TPSD1: variants seen among roughly 807,000 people sequenced by gnomAD.
TPSD1 encodes tryptase delta.
TPSD1 carries 30 observed loss-of-function variants against 25.4 expected under a neutral mutation model. The ratio of observed to expected loss-of-function variants is 1.18; its 90% CI spans 0.88 to 1.60. The LOEUF (loss-of-function observed/expected upper bound fraction) is 1.60. Ranked by LOEUF, TPSD1 falls within the 40% of genes most tolerant of loss-of-function variation. The pLI, the probability that TPSD1 is intolerant of heterozygous loss-of-function variation, is 0.00. For synonymous variants in TPSD1, 176 were observed against 149.4 expected (o/e 1.18, Z -1.30); for missense variants, 420 against 324.2 (o/e 1.30, Z -2.27).
chr16:1,258,317 C>G lies in TPSD1; in HGVS notation c.685-15C>G. 6.2e-7 allele frequency: 1 copy of G among 1,613,384 alleles called. No individual in the cohort carries two copies. Among genetic ancestry groups the G allele is most frequent in the South Asian group, 1.1e-5 (1 of 91,064 alleles). Reference sequence around the variant, plus strand: ...CGAAGCCTGGCCAGCGAGCACTGACCTCTGACCTTCCCAGGGTGACTCTGG... The same window carrying G: ...CGAAGCCTGGCCAGCGAGCACTGACGTCTGACCTTCCCAGGGTGACTCTGG... On this transcript the variant is annotated splice_polypyrimidine_tract_variant and intron_variant, in intron 4 of 4. Coordinates refer to ENST00000211076, the MANE Select transcript of TPSD1 (RefSeq NM_012217.3).
intron 3 of TPSD1, 69 bp downstream of exon 3, chr16:1,257,131 G>A (rs1410610483): frequency 1.3e-5 from 19 of 1,507,840 alleles, no homozygotes; most frequent in Non-Finnish European, 1.7e-5. Context: ...CCAGTCCGTG[G>A]GGTGACAGGG....
chr16:1,258,260 T>A, intron 4 of TPSD1, 38 bp downstream of exon 4: 1 of 1,611,698 alleles, frequency 6.2e-7, no homozygotes, highest in Non-Finnish European at 8.5e-7. Flanking sequence ...CCCCGGAGCC[T>A]GGCCAGCGAG....
In TPSD1 at chr16:1,256,873, G is replaced by A. The variant is rs1170737616; in HGVS notation, c.331G>A (p.Val111Ile). The change falls in exon 3 of 5, where the codon GTC (valine) becomes ATC (isoleucine). Residue 111 changes from valine (V) to isoleucine (I), a missense_variant. Coordinates refer to ENST00000211076, the MANE Select transcript of TPSD1 (RefSeq NM_012217.3). ...HLYYQDQLLPVSRIIVHPQFY... is the reference protein window; with the variant it reads ...HLYYQDQLLPISRIIVHPQFY... ...CTACTACCAGGACCAGCTGCTGCCG[G>A]TCAGCAGGATCATCGTGCACCCACA... 11 of 1,613,612 alleles carry A rather than the reference G, an allele frequency of 6.8e-6. No individual in the cohort carries two copies. The highest frequency in any genetic ancestry group is 2.2e-5 in the East Asian group (1 of 44,906).
Position 1,256,196 on chromosome 16 carries a change from C to G in TPSD1, c.-85C>G. ...ACCCAGGCCCGCAGGCCTGGACCCA[C>G]CCCGGTCCCCCCGTCCCAGCTCCAT... On this transcript the variant is annotated 5_prime_UTR_variant, in exon 1 of 5. Coordinates refer to ENST00000211076, the MANE Select transcript of TPSD1 (RefSeq NM_012217.3). The G allele has an allele frequency of 6.3e-7, 1 of 1,595,822 alleles. No homozygotes were observed. The highest frequency in any genetic ancestry group is 8.5e-7 in the Non-Finnish European group (1 of 1,170,482).
In TPSD1 at chr16:1,258,254, G is replaced by A. The variant is rs113479771; in HGVS notation, c.684+32G>A. ...CCTCGCGTCCCCCACCCCAATCCCC[G>A]GAGCCTGGCCAGCGAGCGCATCCCT... On this transcript the variant is annotated intron_variant, in intron 4 of 4. Coordinates refer to ENST00000211076, the MANE Select transcript of TPSD1 (RefSeq NM_012217.3). 8.9e-4 allele frequency: 1,434 copies of A among 1,607,922 alleles called. 6 individuals are homozygous for A. In the African/African-American group the frequency reaches 0.015, roughly 16 times the overall value.
chr16:1,257,939 A>G, intron 3 of TPSD1, 120 bp from the exon 4 acceptor site: 6 of 1,099,440 alleles, frequency 5.5e-6, no homozygotes, highest in South Asian at 3.1e-5. Flanking sequence ...CCGGGGCTGC[A>G]GGCACAGAAC....
chr16:1,258,078 C>T lies in TPSD1; in HGVS notation c.540C>T (p.Tyr180=), dbSNP rs757542419. The part of the protein sequence containing the change: ...VDNNVHLPPP[Y]PLKEVEVPVV... The stretch of plus-strand genomic sequence containing the variant: ...CCCCAGTGCACCTGCCGCCGCCATA[C>T]CCGCTGAAGGAGGTGGAAGTCCCCG... Residue 180 remains tyrosine, a synonymous_variant, in exon 4 of 5, where the codon TAC becomes TAT. Transcript: ENST00000211076. The T allele has an allele frequency of 7.5e-6, 12 of 1,592,238 alleles. No homozygotes were observed. The highest frequency in any genetic ancestry group is 1.7e-4 in the Middle Eastern group (1 of 5,738).
In TPSD1 at chr16:1,256,997, C is replaced by T; in HGVS notation, c.455C>T (p.Ala152Val). 1 of 1,613,582 alleles carries T rather than the reference C, an allele frequency of 6.2e-7. No homozygotes were observed. ...ATCCACACGGTCACGCTGCCCCCTG[C>T]CTCGGAGACCTTCCCCCCGGGGATG... ...SHIHTVTLPP[A>V]SETFPPGMPC... Residue 152 changes from alanine to valine, a missense_variant, in exon 3 of 5, where the codon GCC becomes GTC. Physicochemically the swap from Ala to Val is moderately conservative, Grantham distance 64 (BLOSUM62 0). Transcript: ENST00000211076.
rs1263748247 is a variant in TPSD1 at position 1,257,017 on chromosome 16, G to A, written c.475G>A (p.Gly159Arg). 1 of 1,613,138 alleles carries A rather than the reference G, an allele frequency of 6.2e-7. No individual in the cohort carries two copies. Among genetic ancestry groups the A allele is most frequent in the East Asian group, 2.2e-5 (1 of 44,880 alleles). The change falls in exon 3 of 5, where the codon GGG (glycine) becomes AGG (arginine). Residue 159 changes from glycine to arginine, a missense_variant. Transcript: ENST00000211076. Reference sequence around the variant, plus strand: ...CCCTGCCTCGGAGACCTTCCCCCCGGGGATGCCGTGCTGGGTCACTGGCTG... The same window carrying A: ...CCCTGCCTCGGAGACCTTCCCCCCGAGGATGCCGTGCTGGGTCACTGGCTG... The part of the protein sequence containing the change: ...LPPASETFPP[G>R]MPCWVTGWGD...
At chr16:1,257,488 G>A (rs1302826174) in intron 3 of TPSD1, 2 of 265,638 alleles carry the variant, frequency 7.5e-6, no homozygotes, top group Non-Finnish European at 1.4e-5. Context: ...TGGCAGTGCT[G>A]TGGGGGGCTG....
rs2031010416 is a variant in TPSD1 at position 1,257,977 on chromosome 16, C to T, written c.521-82C>T. ...CACTGGGCCCATGGTGCCATCTCCC[C>T]TGCCCGTGACTCTGCCACCAAGTCC... On this transcript the variant is annotated intron_variant, in intron 3 of 4. Transcript: ENST00000211076. The T allele has an allele frequency of 6.9e-6, 10 of 1,450,320 alleles. No homozygotes were observed. In the South Asian group the frequency reaches 1.3e-4, roughly 19 times the overall value. 89.8% of individuals were successfully genotyped at this position (1,450,320 alleles called of 1,614,324 possible).
chr16:1,257,905 TG>T, intron 3 of TPSD1, 153 bp from the exon 4 acceptor site: 1 of 798,858 alleles, frequency 1.3e-6, no homozygotes, highest in Non-Finnish European at 2.0e-6. Context: ...CGGAGGGGCC[TG>T]GACTGCATTC....
At position 1,256,316 on chromosome 16, in the gene TPSD1, G is replaced by A. The variant is rs771247760; in HGVS notation, c.36G>A (p.Leu12=). The A allele has an allele frequency of 1.2e-6, 2 of 1,613,478 alleles. No homozygotes were observed. Among genetic ancestry groups the A allele is most frequent in the Admixed American group, 3.3e-5 (2 of 59,998 alleles). ...TTGCTCCCCAGATGCTGAGCCTGCT[G>A]CTGCTGGCGCTGCCCGTCCTGGCGA... ...LLLAPQMLSL[L]LLALPVLASP... The change falls in exon 1 of 5, where the codon CTG becomes CTA. Residue 12 remains leucine (L), a synonymous_variant. Coordinates refer to ENST00000211076, the MANE Select transcript of TPSD1 (RefSeq NM_012217.3).
intron 3 of TPSD1, 124 bp downstream of exon 3, chr16:1,257,186 G>A (rs1324123313): frequency 7.4e-7 from 1 of 1,347,370 alleles, no homozygotes; most frequent in Non-Finnish European, 9.9e-7. Flanking sequence ...GGCCAGGATG[G>A]ATGGAGCAGG....
chr16:1,257,895 C>A lies in TPSD1; in HGVS notation c.521-164C>A, dbSNP rs547987534. The A allele has an allele frequency of 6.7e-5, 49 of 736,442 alleles. 2 individuals are homozygous for A. The South Asian group carries it at 6.7e-4, about 10-fold the overall frequency. 45.6% of individuals were successfully genotyped at this position (736,442 alleles called of 1,614,324 possible). A position where few individuals can be genotyped will look rare whatever the true frequency, so the allele number is the denominator to read the frequency against. ...GCCAGGGACCCAGGACCAGCCTCAG[C>A]GGAGGGGCCTGGACTGCATTCACCG... On this transcript the variant is annotated intron_variant, in intron 3 of 4. Coordinates refer to ENST00000211076, the MANE Select transcript of TPSD1 (RefSeq NM_012217.3).
At position 1,256,208 on chromosome 16, in the gene TPSD1, C is replaced by T. The variant is rs1454748140; in HGVS notation, c.-73C>T. 2.1e-5 allele frequency: 34 copies of T among 1,605,948 alleles called. No homozygotes were observed. The highest frequency in any genetic ancestry group is 1.7e-4 in the African/African-American group (13 of 74,688). The stretch of plus-strand genomic sequence containing the variant: ...AGGCCTGGACCCACCCCGGTCCCCC[C>T]GTCCCAGCTCCATTCTTCACCCCAC... On this transcript the variant is annotated 5_prime_UTR_variant, in exon 1 of 5. Coordinates refer to ENST00000211076, the MANE Select transcript of TPSD1 (RefSeq NM_012217.3).
chr16:1,256,923 G>A lies in TPSD1; in HGVS notation c.381G>A (p.Ala127=), dbSNP rs765532786. The A allele has an allele frequency of 6.8e-6, 11 of 1,613,960 alleles. No homozygotes were observed. The highest frequency in any genetic ancestry group is 2.2e-5 in the South Asian group (2 of 91,080). Residue 127 remains alanine, a synonymous_variant, in exon 3 of 5, where the codon GCG becomes GCA. Transcript: ENST00000211076. ...HPQFYIIQTG[A]DIALLELEEP... ...AGTTCTACATCATCCAGACCGGGGCGGACATCGCCCTGCTGGAGCTGGAGG... is the reference window on the plus strand; with the variant it reads ...AGTTCTACATCATCCAGACCGGGGCAGACATCGCCCTGCTGGAGCTGGAGG...
intron 3 of TPSD1, chr16:1,257,807 TG>T: frequency 1.7e-6 from 1 of 575,900 alleles, no homozygotes; most frequent in South Asian, 2.1e-5. Flanking sequence ...CCCCGTGCCA[TG>T]GAGCCCAGCT....
chr16:1,258,102 C>A lies in TPSD1; in HGVS notation c.564C>A (p.Pro188=). ...PPYPLKEVEV[P]VVENHLCNAE... is the part of the protein sequence containing the mutation. ...ACCCGCTGAAGGAGGTGGAAGTCCCCGTAGTGGAAAACCACCTTTGCAACG... is the reference window on the plus strand; with the variant it reads ...ACCCGCTGAAGGAGGTGGAAGTCCCAGTAGTGGAAAACCACCTTTGCAACG... Residue 188 remains proline, a synonymous_variant, in exon 4 of 5, where the codon CCC becomes CCA. Transcript: ENST00000211076. 1 of 1,603,068 alleles carries A rather than the reference C, an allele frequency of 6.2e-7. No homozygotes were observed. Among genetic ancestry groups the A allele is most frequent in the East Asian group, 2.2e-5 (1 of 44,456 alleles).
Sources: gnomAD v4.1 joint callset for allele counts on GRCh38, gnomAD v4.1.1 for gene constraint, MANE v1.5 for transcripts, NCBI Gene and HGNC (gene_info 2026-07-23, HGNC 2026-07-21) for gene names.